TBC1D31: variants seen among roughly 807,000 people sequenced by gnomAD.
The protein encoded by TBC1D31 is TBC1 domain family member 31, also known as WD repeat domain 67.
Under a neutral mutation model 132.9 loss-of-function variants are expected in TBC1D31, and 99 were observed. The ratio of observed to expected loss-of-function variants is 0.74; its 90% CI spans 0.63 to 0.88. The LOEUF is 0.88. Ranked by LOEUF, TBC1D31 falls within the 40% of genes least tolerant of loss-of-function variation. The probability of loss-of-function intolerance (pLI) is 0.00; values close to 1 mark genes in which losing one functional copy is unlikely to be tolerated. For synonymous variants in TBC1D31, 385 were observed against 419.4 expected (o/e 0.92, Z 1.00); for missense variants, 1,134 against 1,256.6 (o/e 0.90, Z 1.48).
Position 123,142,352 on chromosome 8 carries a change from C to T in TBC1D31, c.2731C>T (p.Leu911=). 1 of 1,610,298 alleles carries T rather than the reference C, an allele frequency of 6.2e-7. No individual in the cohort carries two copies. Among genetic ancestry groups the T allele is most frequent in the Non-Finnish European group, 8.5e-7 (1 of 1,178,542 alleles). Residue 911 remains leucine, a synonymous_variant, in exon 19 of 22, where the codon CTA becomes TTA. Transcript: ENST00000287380. ...TTTACATAAACAAAAATGTGATGAT[C>T]TACAACGAAACAAATGTTACCAGGA... The part of the protein sequence containing the change: ...QSLHKQKCDD[L]QRNKCYQEVA...
At chr8:123,146,161 C>T (rs73339638) in intron 20 of TBC1D31, among the ~76,000 whole-genome samples, 46 of 152,254 alleles carry the variant, frequency 3.0e-4, no homozygotes, top group African/African-American at 1.1e-3. Flanking sequence ...TGCCCAGCAC[C>T]GCACGCAGCC....
At chr8:123,149,043 G>A (rs1476462224) in intron 20 of TBC1D31, among the ~76,000 whole-genome samples, 1 of 150,688 alleles carries the variant, frequency 6.6e-6, no homozygotes, top group Non-Finnish European at 1.5e-5. Context: ...GCAAGATTCC[G>A]TCTAAAAAAA....
intron 3 of TBC1D31, chr8:123,083,256 C>T (rs2129854594): frequency 6.5e-6 from 1 of 154,314 alleles, no homozygotes; most frequent in African/African-American, 2.4e-5. Context: ...ACTGTTGACG[C>T]AGGGAGTCGA....
At chr8:123,106,105 T>C (rs1275523245) in intron 8 of TBC1D31, among the ~76,000 whole-genome samples, 2 of 152,270 alleles carry the variant, frequency 1.3e-5, no homozygotes, top group African/African-American at 2.4e-5. Context: ...ATTTTTCACA[T>C]TGATTTTAAT....
At chr8:123,155,481 G>A (rs1822965463), downstream of TBC1D31, among the ~76,000 whole-genome samples, 1 of 152,188 alleles carries the variant, frequency 6.6e-6, no homozygotes, top group Admixed American at 6.5e-5. The surrounding 1 kb of genome is among the most constrained non-coding windows in gnomAD (Gnocchi z 4.1). Flanking sequence ...GGGGCTACTG[G>A]TAATTGACTA....
At position 123,082,772 on chromosome 8, in the gene TBC1D31, T is replaced by G. The variant is rs1416831485; in HGVS notation, c.295T>G (p.Phe99Val). ...LAFNLRRKSE[F>V]LVALADYSIK... ...CTTTAATCTTCGTAGGAAATCTGAA[T>G]TCCTTGTGGCATTAGCTGATTATTC... The change falls in exon 3 of 22, where the codon TTC (phenylalanine) becomes GTC (valine). Residue 99 changes from phenylalanine (F) to valine (V), a missense_variant. Phe to Val is a conservative substitution (Grantham distance 50). Coordinates refer to ENST00000287380, the MANE Select transcript of TBC1D31 (RefSeq NM_145647.4). 1.9e-6 allele frequency: 3 copies of G among 1,613,322 alleles called. No homozygotes were observed. Among genetic ancestry groups the G allele is most frequent in the Admixed American group, 3.3e-5 (2 of 60,012 alleles).
the TBC1D31 span, among the ~76,000 whole-genome samples, chr8:123,161,281 C>T: frequency 6.6e-6 from 1 of 152,194 alleles, no homozygotes; most frequent in African/African-American, 2.4e-5. Flanking sequence ...TCAGCCGGGT[C>T]GGAGGTCACC....
chr8:123,080,586 G>A lies in TBC1D31; in HGVS notation c.225-2116G>A, dbSNP rs113993266. 3.2e-4 allele frequency among the ~76,000 whole-genome samples: 46 copies of A among 144,100 alleles called. 1 individual carries two copies. The highest frequency in any genetic ancestry group is 2.2e-4 in the South Asian group (1 of 4,564). 94.5% of individuals were successfully genotyped at this position (144,100 alleles called of 152,430 possible). A position where few individuals can be genotyped will look rare whatever the true frequency, so the allele number is the denominator to read the frequency against. On this transcript the variant is annotated intron_variant, in intron 2 of 21. Transcript: ENST00000287380. ...GGAGTCTCACCCTGTTGCCCAGGCC[G>A]GGGTACAGTGGTGTGATCGGCTCAC...
intron 16 of TBC1D31, 84 bp downstream of exon 16, chr8:123,130,417 A>G (rs1312668453): frequency 7.7e-7 from 1 of 1,293,278 alleles, no homozygotes; most frequent in Non-Finnish European, 1.0e-6. Context: ...ATTAAATAAT[A>G]TTCTTAGAGT....
intron 17 of TBC1D31, among the ~76,000 whole-genome samples, chr8:123,139,710 C>G (rs759493299): frequency 6.6e-6 from 1 of 152,184 alleles, no homozygotes; most frequent in African/African-American, 2.4e-5. Flanking sequence ...ATGCACATGA[C>G]CTTCCAGGAA....
chr8:123,128,105 A>G, intron 13 of TBC1D31, 176 bp from the exon 14 acceptor site: 3 of 428,490 alleles, frequency 7.0e-6, no homozygotes, highest in Non-Finnish European at 1.2e-5. Flanking sequence ...AAACTCTTAC[A>G]TTTTTTAAAT....
At chr8:123,089,940 A>G (rs1355550295) in intron 4 of TBC1D31, among the ~76,000 whole-genome samples, 1 of 152,242 alleles carries the variant, frequency 6.6e-6, no homozygotes, top group Non-Finnish European at 1.5e-5. Context: ...AATATACATC[A>G]TACTACCTAT....
chr8:123,149,691 T>G (rs1361474474), intron 20 of TBC1D31, among the ~76,000 whole-genome samples: 1 of 152,250 alleles, frequency 6.6e-6, no homozygotes, highest in Admixed American at 6.5e-5. Context: ...GATGAGGCCC[T>G]GCCTAGCTAA....
chr8:123,081,230 T>C (rs768401792), intron 2 of TBC1D31, among the ~76,000 whole-genome samples: 2 of 152,208 alleles, frequency 1.3e-5, no homozygotes, highest in African/African-American at 2.4e-5. Context: ...CATGTTGTGC[T>C]CCCCAGACAT....
intron 2 of TBC1D31, 75 bp downstream of exon 2, chr8:123,077,332 A>T: frequency 7.3e-7 from 1 of 1,362,766 alleles, no homozygotes. Flanking sequence ...CCTGCTATTC[A>T]TTATTCATTC....
intron 13 of TBC1D31, among the ~76,000 whole-genome samples, chr8:123,127,565 G>T (rs1035184408): frequency 6.6e-6 from 1 of 152,004 alleles, no homozygotes; most frequent in Admixed American, 6.6e-5. Flanking sequence ...GAGCCACCAC[G>T]CCCGGCTGCT....
chr8:123,094,784 G>A (rs541555300), intron 5 of TBC1D31, among the ~76,000 whole-genome samples: 38 of 151,970 alleles, frequency 2.5e-4, no homozygotes, highest in Admixed American at 2.1e-3. Flanking sequence ...CTGGTGATCC[G>A]CCTGCCTCAG....
intron 4 of TBC1D31, among the ~76,000 whole-genome samples, chr8:123,090,661 T>C (rs572088911): frequency 7.0e-4 from 107 of 152,134 alleles, no homozygotes; most frequent in Non-Finnish European, 1.2e-3. Context: ...GGCTGGGCAC[T>C]GTGGCTCACA....
chr8:123,147,956 G>A (rs1431410597), intron 20 of TBC1D31, among the ~76,000 whole-genome samples: 7 of 151,744 alleles, frequency 4.6e-5, no homozygotes, highest in African/African-American at 7.3e-5. Context: ...TGAAACCCCC[G>A]TCTCTACTAA....
Sources: allele counts gnomAD v4.1 joint callset (sites outside exome capture counted in the v4.1 genomes callset), GRCh38; gene constraint gnomAD v4.1.1; non-coding constraint Gnocchi (gnomAD v3.1); transcripts MANE v1.5; gene names NCBI Gene and HGNC (gene_info 2026-07-23, HGNC 2026-07-21).